Variants in SLC24A2 observed in about 807,000 individuals in gnomAD.
The protein encoded by SLC24A2 is sodium/potassium/calcium exchanger 2.
A neutral mutation model predicts 62.0 loss-of-function variants in SLC24A2; 36 were observed. That is an observed-to-expected ratio of 0.58 (90% confidence interval 0.44 to 0.77). SLC24A2 has a LOEUF of 0.77. SLC24A2 is among the 30% of genes least tolerant of loss of function. The probability of loss-of-function intolerance (pLI) is 0.00; values close to 1 mark genes in which losing one functional copy is unlikely to be tolerated. For missense variants in SLC24A2, 846 were observed against 817.9 expected, an observed-to-expected ratio of 1.03 and a Z score of -0.42; for synonymous variants, 358 against 294.0, an observed-to-expected ratio of 1.22 and a Z score of -2.23.
the SLC24A2 span, among the ~76,000 whole-genome samples, chr9:19,994,030 C>A: frequency 6.6e-6 from 1 of 152,088 alleles, no homozygotes; most frequent in Non-Finnish European, 1.5e-5. Context: ...AAAGATAGAC[C>A]AAGTAGATTG....
chr9:20,055,503 G>A, the SLC24A2 span, among the ~76,000 whole-genome samples: 1 of 152,104 alleles, frequency 6.6e-6, no homozygotes, highest in Admixed American at 6.6e-5. Context: ...GCTATTATCT[G>A]TAACTTTTAG....
chr9:19,831,919 G>A, the SLC24A2 span, among the ~76,000 whole-genome samples: 3 of 152,324 alleles, frequency 2.0e-5, no homozygotes, highest in East Asian at 1.9e-4. Context: ...TTTTGCTCAT[G>A]ATACATATCA....
chr9:19,571,558 C>G (rs971323778), intron 7 of SLC24A2, among the ~76,000 whole-genome samples: 1 of 152,112 alleles, frequency 6.6e-6, no homozygotes, highest in Non-Finnish European at 1.5e-5. Flanking sequence ...GGTCCTTGGA[C>G]CAACAGCATC....
chr9:20,102,499 G>T, the SLC24A2 span, among the ~76,000 whole-genome samples: 3 of 151,410 alleles, frequency 2.0e-5, no homozygotes, highest in African/African-American at 7.3e-5. Context: ...TGAGGGGGTG[G>T]GGGGGGAAGG....
chr9:19,730,852 T>C (rs1276429866), intron 2 of SLC24A2, among the ~76,000 whole-genome samples: 1 of 151,642 alleles, frequency 6.6e-6, no homozygotes, highest in Non-Finnish European at 1.5e-5. Context: ...CCTACTCCTT[T>C]CTACACTTAA....
At chr9:20,233,753 A>G in the SLC24A2 span, among the ~76,000 whole-genome samples, 1 of 152,156 alleles carries the variant, frequency 6.6e-6, no homozygotes, top group African/African-American at 2.4e-5. Flanking sequence ...TTATGTGTGA[A>G]TTTGATCCTG....
chr9:20,277,155 C>A, the SLC24A2 span, among the ~76,000 whole-genome samples: 2 of 152,148 alleles, frequency 1.3e-5, no homozygotes, highest in Non-Finnish European at 2.9e-5. Context: ...CTAGGCAATA[C>A]CATTCAGGAC....
At chr9:19,905,725 T>A in the SLC24A2 span, among the ~76,000 whole-genome samples, 2 of 152,124 alleles carry the variant, frequency 1.3e-5, no homozygotes, top group African/African-American at 2.4e-5. Flanking sequence ...ACCTCCTATT[T>A]TCAGAGAGAA....
At chr9:20,043,381 C>T in the SLC24A2 span, among the ~76,000 whole-genome samples, 1 of 152,168 alleles carries the variant, frequency 6.6e-6, no homozygotes, top group Admixed American at 6.5e-5. Flanking sequence ...ACTTTCAAGT[C>T]TCATTATTTA....
Position 19,521,123 on chromosome 9 carries a change from A to G in SLC24A2, c.1570-63T>C. 3 of 1,510,536 alleles carry G rather than the reference A, an allele frequency of 2.0e-6. No individual in the cohort carries two copies. The South Asian group carries it at 3.4e-5, about 17-fold the overall frequency. The allele number at this position is 1,510,536 out of a possible 1,614,324, so 93.6% of individuals were successfully genotyped here. On this transcript the variant is annotated intron_variant, in intron 9 of 10. Coordinates refer to ENST00000341998, the MANE Select transcript of SLC24A2 (RefSeq NM_020344.4). Reference sequence around the variant, plus strand: ...AAGTTACAAAATCATAAAAATCACAAAAATTTCAATGCGACCTCCTTTTAA... The same window carrying G: ...AAGTTACAAAATCATAAAAATCACAGAAATTTCAATGCGACCTCCTTTTAA...
Position 19,553,313 on chromosome 9 carries a change from T to C in SLC24A2, c.1348-3045A>G, listed in dbSNP as rs1834932347. ...AGGGCAGTGATTTTCCAACTTTTCC[T>C]AGAGTTGTGGTATGCTGGCTTTGAC... is the stretch of plus-strand genomic sequence containing the variant. On this transcript the variant is annotated intron_variant, in intron 7 of 10. Transcript: ENST00000341998. Among the ~76,000 whole-genome samples, 4 of 152,202 alleles carry C rather than the reference T, an allele frequency of 2.6e-5. No homozygotes were observed. In the South Asian group the frequency reaches 8.3e-4, roughly 32 times the overall value.
At chr9:19,932,323 C>T in the SLC24A2 span, among the ~76,000 whole-genome samples, 1 of 152,324 alleles carries the variant, frequency 6.6e-6, no homozygotes, top group East Asian at 1.9e-4. Flanking sequence ...CACTAATTCA[C>T]TGCCGAATAA....
chr9:19,874,943 G>A, the SLC24A2 span, among the ~76,000 whole-genome samples: 1 of 143,340 alleles, frequency 7.0e-6, no homozygotes, highest in Non-Finnish European at 1.5e-5. Context: ...TAGCTTCAGA[G>A]AGTTAGCTTA....
chr9:20,019,157 G>GAAAGAA, the SLC24A2 span, among the ~76,000 whole-genome samples: 108 of 134,570 alleles, frequency 8.0e-4, 4 homozygotes, highest in African/African-American at 1.3e-3. Context: ...AAGAAAGAAA[G>GAAAGAA]AGAGAGAGAC....
At chr9:20,122,956 G>A in the SLC24A2 span, among the ~76,000 whole-genome samples, 1 of 152,108 alleles carries the variant, frequency 6.6e-6, no homozygotes, top group African/African-American at 2.4e-5. Context: ...TTCAGCTCTT[G>A]TCTTAAAGAC....
the SLC24A2 span, among the ~76,000 whole-genome samples, chr9:20,288,457 C>G: frequency 1.3e-5 from 2 of 152,162 alleles, no homozygotes; most frequent in South Asian, 2.1e-4. Flanking sequence ...GAATGGGTAA[C>G]TTCTCCAAAC....
At chr9:19,528,164 G>C (rs369256067) in intron 8 of SLC24A2, 26 bp from the exon 9 acceptor site, 4 of 1,426,398 alleles carry the variant, frequency 2.8e-6, no homozygotes, top group Non-Finnish European at 3.9e-6. Context: ...GAAGAGTTGA[G>C]AATATCAGTG....
At chr9:19,930,687 A>G in the SLC24A2 span, among the ~76,000 whole-genome samples, 2 of 152,192 alleles carry the variant, frequency 1.3e-5, no homozygotes, top group African/African-American at 4.8e-5. Flanking sequence ...AAGGTATTAT[A>G]ATTTCAGGAA....
chr9:19,672,626 T>A (rs1039770240), intron 2 of SLC24A2, among the ~76,000 whole-genome samples: 1 of 146,674 alleles, frequency 6.8e-6, no homozygotes, highest in Non-Finnish European at 1.5e-5. Context: ...GGTGTGAACT[T>A]ACATTGTCTA....
Sources: allele counts gnomAD v4.1 joint callset (sites outside exome capture counted in the v4.1 genomes callset), GRCh38; gene constraint gnomAD v4.1.1; transcripts MANE v1.5; gene names NCBI Gene and HGNC (gene_info 2026-07-23, HGNC 2026-07-21).